The following PPFIA2 variants were observed in gnomAD, a reference collection of about 807,000 sequenced individuals.
PPFIA2 encodes PPFI scaffold protein A2.
A neutral mutation model predicts 175.5 loss-of-function variants in PPFIA2; 46 were observed. The ratio of observed to expected loss-of-function variants is 0.26; its 90% CI spans 0.21 to 0.34. The LOEUF is 0.34. Ranked by LOEUF, PPFIA2 falls within the 10% of genes least tolerant of loss-of-function variation. PPFIA2 has a pLI of 1.00. For synonymous variants in PPFIA2, 568 were observed against 511.4 expected, an observed-to-expected ratio of 1.11 and a Z score of -1.49; for missense variants, 1,179 against 1,506.1, an observed-to-expected ratio of 0.78 and a Z score of 3.60.
intron 4 of PPFIA2, among the ~76,000 whole-genome samples, chr12:81,597,606 G>A (rs549590058): frequency 2.0e-5 from 3 of 152,098 alleles, no homozygotes; most frequent in African/African-American, 7.2e-5. Context: ...TTTCTGCGAC[G>A]CACAAGGAAA....
chr12:81,670,759 T>C (rs1426947968), intron 4 of PPFIA2, among the ~76,000 whole-genome samples: 4 of 151,964 alleles, frequency 2.6e-5, no homozygotes, highest in South Asian at 2.1e-4. Flanking sequence ...ACAATGAACA[T>C]AGTTTGTGAA....
At chr12:81,511,310 G>C (rs1469868270) in intron 4 of PPFIA2, among the ~76,000 whole-genome samples, 1 of 152,038 alleles carries the variant, frequency 6.6e-6, no homozygotes, top group Non-Finnish European at 1.5e-5. Flanking sequence ...TTTGTGATGG[G>C]TGTGTCAATT....
intron 4 of PPFIA2, among the ~76,000 whole-genome samples, chr12:81,492,734 C>T (rs371186815): frequency 6.6e-6 from 1 of 151,976 alleles, no homozygotes; most frequent in South Asian, 2.1e-4. Context: ...GAGAACTTGG[C>T]TTTTGGGAAG....
At chr12:81,642,182 C>T (rs1402827886) in intron 4 of PPFIA2, among the ~76,000 whole-genome samples, 6 of 151,848 alleles carry the variant, frequency 4.0e-5, no homozygotes, top group African/African-American at 1.5e-4. Context: ...TATTTTATCT[C>T]AAAGACTCTG....
intron 4 of PPFIA2, among the ~76,000 whole-genome samples, chr12:81,604,054 A>C (rs2060051561): frequency 6.6e-6 from 1 of 151,642 alleles, no homozygotes; most frequent in African/African-American, 2.4e-5. Flanking sequence ...GATACCAGCT[A>C]AGGAGAGGTA....
At chr12:81,712,184 T>G (rs1388985183) in intron 3 of PPFIA2, among the ~76,000 whole-genome samples, 1 of 151,332 alleles carries the variant, frequency 6.6e-6, no homozygotes, top group Non-Finnish European at 1.5e-5. Flanking sequence ...CTATGCTGGT[T>G]GAAAGAAAAA....
chr12:81,538,788 G>A (rs567552433), intron 4 of PPFIA2, among the ~76,000 whole-genome samples: 13 of 151,932 alleles, frequency 8.6e-5, no homozygotes, highest in East Asian at 1.9e-4. Context: ...AGCATGAGTC[G>A]TGTCCATGGG....
At chr12:81,731,493 C>T (rs2080903276) in intron 3 of PPFIA2, among the ~76,000 whole-genome samples, 2 of 151,614 alleles carry the variant, frequency 1.3e-5, no homozygotes, top group Admixed American at 1.3e-4. Flanking sequence ...CGAGCAAATG[C>T]ATTTTCTGTC....
chr12:81,731,352 A>C (rs2080881649), intron 3 of PPFIA2, among the ~76,000 whole-genome samples: 1 of 151,616 alleles, frequency 6.6e-6, no homozygotes, highest in Non-Finnish European at 1.5e-5. Flanking sequence ...CTGAATCTGA[A>C]GGTTTAGCAC....
chr12:81,592,103 T>G (rs1471324641), intron 4 of PPFIA2, among the ~76,000 whole-genome samples: 1 of 152,092 alleles, frequency 6.6e-6, no homozygotes, highest in African/African-American at 2.4e-5. Flanking sequence ...GGAGATCATT[T>G]TGGAGCTTTA....
chr12:81,719,769 A>G (rs1267316003), intron 3 of PPFIA2, among the ~76,000 whole-genome samples: 1 of 151,526 alleles, frequency 6.6e-6, no homozygotes, highest in South Asian at 2.1e-4. Context: ...GGTGAAACAA[A>G]TACATTTCAA....
At chr12:81,402,423 C>T (rs1211713037) in intron 8 of PPFIA2, among the ~76,000 whole-genome samples, 1 of 151,780 alleles carries the variant, frequency 6.6e-6, no homozygotes, top group East Asian at 1.9e-4. Context: ...CTTGAATAAT[C>T]ATGTCATGGA....
chr12:81,524,811 A>T (rs1013422215), intron 4 of PPFIA2, among the ~76,000 whole-genome samples: 3 of 152,234 alleles, frequency 2.0e-5, no homozygotes, highest in African/African-American at 7.2e-5. Context: ...TCATATGTTC[A>T]AACCCTAACC....
At chr12:81,503,043 C>T (rs151101822) in intron 4 of PPFIA2, among the ~76,000 whole-genome samples, 1 of 152,038 alleles carries the variant, frequency 6.6e-6, no homozygotes, top group East Asian at 1.9e-4. Flanking sequence ...AAAAACTCTC[C>T]ACTTCAAAAC....
At chr12:81,265,112 G>C (rs2036823067) in intron 30 of PPFIA2, among the ~76,000 whole-genome samples, 1 of 150,412 alleles carries the variant, frequency 6.6e-6, no homozygotes, top group South Asian at 2.1e-4. Flanking sequence ...GACCAACATG[G>C]AGAAACCCTG....
intron 4 of PPFIA2, among the ~76,000 whole-genome samples, chr12:81,530,707 G>A (rs1375724856): frequency 1.3e-5 from 2 of 150,612 alleles, no homozygotes; most frequent in Non-Finnish European, 3.0e-5. Context: ...ACAGTAAATA[G>A]TAAGCCTGGA....
chr12:81,368,130 C>T (rs1347557079), intron 13 of PPFIA2: 12 of 1,288,180 alleles, frequency 9.3e-6, no homozygotes, highest in Non-Finnish European at 1.2e-5. Flanking sequence ...AATTGGTAAC[C>T]AGCTCTCATA....
chr12:81,466,056 C>T lies in PPFIA2; in HGVS notation c.304-8190G>A, dbSNP rs74378565. Among the ~76,000 whole-genome samples, 1,183 of 152,224 alleles carry T rather than the reference C, an allele frequency of 7.8e-3. 15 individuals carry two copies. Among genetic ancestry groups the T allele is most frequent in the African/African-American group, 0.026 (1,079 of 41,534 alleles). ...TACTGTGCAAAACAGTAATGTCTCA[C>T]GGTCAGCCCTGGGCTAGACAGCTTG... On this transcript the variant is annotated intron_variant, in intron 4 of 32. Coordinates refer to ENST00000549396, the MANE Select transcript of PPFIA2 (RefSeq NM_003625.5).
rs563337327 is a variant in PPFIA2, at chr12:81,738,838, G to T, written c.249+15135C>A. Among the ~76,000 whole-genome samples, 8 of 151,850 alleles carry T rather than the reference G, an allele frequency of 5.3e-5. No homozygotes were observed. In the South Asian group the frequency reaches 1.7e-3, roughly 32 times the overall value. On this transcript the variant is annotated intron_variant, in intron 3 of 32. Coordinates refer to ENST00000549396, the MANE Select transcript of PPFIA2 (RefSeq NM_003625.5). ...AATTCAGAAATTGTTTATTATTTGT[G>T]GGAAACATATATAAGAACACAGACA...
Sources: allele counts gnomAD v4.1 joint callset (sites outside exome capture counted in the v4.1 genomes callset), GRCh38; gene constraint gnomAD v4.1.1; transcripts MANE v1.5; gene names NCBI Gene and HGNC (gene_info 2026-07-23, HGNC 2026-07-21).